The following FOXK1 variants were observed in gnomAD, a reference collection of about 807,000 sequenced individuals.
The protein encoded by FOXK1 is forkhead box protein K1.
Under a neutral mutation model 51.9 loss-of-function variants are expected in FOXK1, and 19 were observed. The ratio of observed to expected loss-of-function variants is 0.37; its 90% CI spans 0.26 to 0.54. FOXK1 has a LOEUF of 0.54. FOXK1 is among the 20% of genes least tolerant of loss of function. FOXK1 has a pLI of 0.87. For synonymous variants in FOXK1, 537 were observed against 482.6 expected (o/e 1.11, Z -1.48); for missense variants, 870 against 1,032.7 (o/e 0.84, Z 2.16).
At chr7:4,697,932 C>T (rs1458783299) in intron 1 of FOXK1, among the ~76,000 whole-genome samples, 2 of 152,008 alleles carry the variant, frequency 1.3e-5, no homozygotes, top group African/African-American at 4.8e-5. Flanking sequence ...TCAAGTGATT[C>T]TCTTGCCTCA....
chr7:4,710,266 G>A (rs899221940), intron 1 of FOXK1, among the ~76,000 whole-genome samples: 1 of 152,186 alleles, frequency 6.6e-6, no homozygotes, highest in Non-Finnish European at 1.5e-5. Flanking sequence ...TACAGGATAG[G>A]CCAGTGTACT....
At chr7:4,714,374 GT>G (rs1266376397) in intron 1 of FOXK1, among the ~76,000 whole-genome samples, 1 of 151,962 alleles carries the variant, frequency 6.6e-6, no homozygotes, top group East Asian at 1.9e-4. Context: ...CACTTCTGGG[GT>G]TCAAGTGATT....
Position 4,755,001 on chromosome 7 carries a change from A to T in FOXK1, c.904-236A>T. The T allele has an allele frequency of 1.7e-6, 1 of 579,876 alleles. No individual in the cohort carries two copies. Among genetic ancestry groups the T allele is most frequent in the Non-Finnish European group, 3.0e-6 (1 of 330,804 alleles). 35.9% of individuals were successfully genotyped at this position (579,876 alleles called of 1,614,324 possible). A position where few individuals can be genotyped will look rare whatever the true frequency, so the allele number is the denominator to read the frequency against. On this transcript the variant is annotated intron_variant, in intron 3 of 8. Transcript: ENST00000328914. The surrounding 1 kb of genome is among the most constrained non-coding windows in gnomAD (Gnocchi z 6.6). ...TTCAAATTGATTTCTGGAAGAGGTG[A>T]GAAATTTCAGAATTAAATTATAATA...
At position 4,745,974 on chromosome 7, in the gene FOXK1, C is replaced by T. The variant is rs374128214; in HGVS notation, c.746+4951C>T. Among the ~76,000 whole-genome samples, 28 of 152,244 alleles carry T rather than the reference C, an allele frequency of 1.8e-4. No homozygotes were observed. Among genetic ancestry groups the T allele is most frequent in the African/African-American group, 6.5e-4 (27 of 41,528 alleles). On this transcript the variant is annotated intron_variant, in intron 2 of 8. Transcript: ENST00000328914. The surrounding 1 kb of genome is among the most constrained non-coding windows in gnomAD (Gnocchi z 4.3). ...TTTTCTAGGTTCCATCAGACAGACA[C>T]CAGTCTAAAAAGTGTTCCTTAGAGG...
chr7:4,700,135 C>G (rs1470062564), intron 1 of FOXK1, among the ~76,000 whole-genome samples: 1 of 152,186 alleles, frequency 6.6e-6, no homozygotes, highest in East Asian at 1.9e-4. Flanking sequence ...ACTGCAGCAC[C>G]CCACGGCACC....
In FOXK1 at chr7:4,758,947, G is replaced by T; in HGVS notation, c.1245-104G>T. The T allele has an allele frequency of 8.0e-7, 1 of 1,256,148 alleles. No homozygotes were observed. The highest frequency in any genetic ancestry group is 2.4e-5 in the East Asian group (1 of 41,552). 77.8% of individuals were successfully genotyped at this position (1,256,148 alleles called of 1,614,324 possible). On this transcript the variant is annotated intron_variant, in intron 5 of 8. Transcript: ENST00000328914. The surrounding 1 kb of genome is among the most constrained non-coding windows in gnomAD (Gnocchi z 4.4). ...ATGCGGAGGACAGAGACGAGCTCCA[G>T]GGAGCGTGGGCGGGTGACGGCGCTG...
chr7:4,689,852 C>T (rs142223856), intron 1 of FOXK1, among the ~76,000 whole-genome samples: 1 of 152,182 alleles, frequency 6.6e-6, no homozygotes, highest in African/African-American at 2.4e-5. Context: ...TCACTGCCCT[C>T]ACCCAGTCCC....
At position 4,709,251 on chromosome 7, in the gene FOXK1, C is replaced by G. The variant is rs558950109; in HGVS notation, c.560+26383C>G. Among the ~76,000 whole-genome samples, 2 of 152,184 alleles carry G rather than the reference C, an allele frequency of 1.3e-5. No homozygotes were observed. Among genetic ancestry groups the G allele is most frequent in the East Asian group, 3.9e-4 (2 of 5,174 alleles). ...GCCTGGCATCCCCACCCTGTCATCC[C>G]GAGAATCCCACTGCATGTTTTGGAT... is the stretch of plus-strand genomic sequence containing the variant. On this transcript the variant is annotated intron_variant, in intron 1 of 8. Transcript: ENST00000328914. The surrounding 1 kb of genome is among the most constrained non-coding windows in gnomAD (Gnocchi z 5.6).
chr7:4,724,745 A>G (rs1264148291), intron 1 of FOXK1, among the ~76,000 whole-genome samples: 1 of 152,150 alleles, frequency 6.6e-6, no homozygotes, highest in Non-Finnish European at 1.5e-5. Context: ...AGTGTTCAGC[A>G]TGGTTGCCAG....
chr7:4,757,971 G>A (rs1030608944), intron 5 of FOXK1: 1 of 152,220 alleles, frequency 6.6e-6, no homozygotes, highest in Non-Finnish European at 1.5e-5. Flanking sequence ...AGGTTACTAA[G>A]TAAGCCACTG....
rs1780834173 is a variant in FOXK1 at position 4,755,417 on chromosome 7, G to A, written c.1050+34G>A. The A allele has an allele frequency of 6.2e-7, 1 of 1,610,522 alleles. No homozygotes were observed. Among genetic ancestry groups the A allele is most frequent in the South Asian group, 1.1e-5 (1 of 90,984 alleles). ...GAGTCCCCAGGGCCGGATCGCCTCT[G>A]AAGGCCCTTAGAACATGGAACTCAC... is the stretch of plus-strand genomic sequence containing the variant. On this transcript the variant is annotated intron_variant, in intron 4 of 8. Coordinates refer to ENST00000328914, the MANE Select transcript of FOXK1 (RefSeq NM_001037165.2). This position sits in a 1 kb window ranked among gnomAD's most constrained non-coding sequence, Gnocchi z 6.6.
rs1780141987 is a variant in FOXK1 at position 4,709,076 on chromosome 7, AAAAG to A, written c.560+26212_560+26215del. ...GAGACTCTGTCTCAAAAAAAAAAAA[AAAAG>A]AAAAGAAAAGAAAAAGAAAAACAAG... On this transcript the variant is annotated intron_variant, in intron 1 of 8. Coordinates refer to ENST00000328914, the MANE Select transcript of FOXK1 (RefSeq NM_001037165.2). This position sits in a 1 kb window ranked among gnomAD's most constrained non-coding sequence, Gnocchi z 5.6. 2.0e-5 allele frequency among the ~76,000 whole-genome samples: 3 copies of A among 151,498 alleles called. No individual in the cohort carries two copies. Among genetic ancestry groups the A allele is most frequent in the African/African-American group, 7.3e-5 (3 of 41,282 alleles).
intron 1 of FOXK1, among the ~76,000 whole-genome samples, chr7:4,713,627 G>A (rs955517669): frequency 6.6e-6 from 1 of 151,872 alleles, no homozygotes; most frequent in Admixed American, 6.6e-5. Context: ...GAGTTGCTGG[G>A]ATTACAAGCA....
chr7:4,703,104 G>GGGGCT lies in FOXK1; in HGVS notation c.560+20254_560+20258dup, dbSNP rs975400196. ...GCTGGGTGAGAGTGCCTCTGTGTCG[G>GGGGCT]GGGCTGGGCTGGGCTGGGCTGGACT... On this transcript the variant is annotated intron_variant, in intron 1 of 8. Transcript: ENST00000328914. The surrounding 1 kb of genome is among the most constrained non-coding windows in gnomAD (Gnocchi z 5.6). 2.6e-5 allele frequency among the ~76,000 whole-genome samples: 4 copies of GGGGCT among 152,158 alleles called. No individual in the cohort carries two copies. The highest frequency in any genetic ancestry group is 2.1e-4 in the South Asian group (1 of 4,826).
rs1218184115 is a variant in FOXK1, at chr7:4,705,964, ATATATATACGTATATATACG to A, written c.560+23138_560+23157del. ...TTCAAAATTATATATATATATGTAT[ATATATATACGTATATATACG>A]TATATATACGTATATATACGTATAT... On this transcript the variant is annotated intron_variant, in intron 1 of 8. Coordinates refer to ENST00000328914, the MANE Select transcript of FOXK1 (RefSeq NM_001037165.2). Among the ~76,000 whole-genome samples, 819 of 112,984 alleles carry A rather than the reference ATATATATACGTATATATACG, an allele frequency of 7.2e-3. 20 individuals are homozygous for A. Among genetic ancestry groups the A allele is most frequent in the South Asian group, 9.7e-3 (39 of 4,020 alleles). The allele number at this position is 112,984 out of a possible 152,430, so 74.1% of individuals were successfully genotyped here.
rs1253168692 is a variant in FOXK1, at chr7:4,730,588, AG to A, written c.561-10249del. On this transcript the variant is annotated intron_variant, in intron 1 of 8. Transcript: ENST00000328914. The surrounding 1 kb of genome is among the most constrained non-coding windows in gnomAD (Gnocchi z 4.7). ...CGACCCAGCCCCCGCCCCGCCTTCA[AG>A]TTTGTGCCTTATTTTCCAAAGCCGC... 2.0e-5 allele frequency among the ~76,000 whole-genome samples: 3 copies of A among 152,144 alleles called. No homozygotes were observed. In the East Asian group the frequency reaches 5.8e-4, roughly 29 times the overall value.
At position 4,755,501 on chromosome 7, in the gene FOXK1, C is replaced by A; in HGVS notation, c.1050+118C>A. 7.2e-7 allele frequency: 1 copy of A among 1,394,368 alleles called. No individual in the cohort carries two copies. Among genetic ancestry groups the A allele is most frequent in the Non-Finnish European group, 9.7e-7 (1 of 1,035,412 alleles). The allele number at this position is 1,394,368 out of a possible 1,614,324, so 86.4% of individuals were successfully genotyped here. Reference sequence around the variant, plus strand: ...CAGTGAGGGGGCTCACGCCTGGAACCCTAGCATTTTGTGAGGCCGAGGCAG... The same window carrying A: ...CAGTGAGGGGGCTCACGCCTGGAACACTAGCATTTTGTGAGGCCGAGGCAG... On this transcript the variant is annotated intron_variant, in intron 4 of 8. Transcript: ENST00000328914. This position sits in a 1 kb window ranked among gnomAD's most constrained non-coding sequence, Gnocchi z 6.6.
chr7:4,727,910 G>T (rs1301217062), intron 1 of FOXK1, among the ~76,000 whole-genome samples: 2 of 152,242 alleles, frequency 1.3e-5, no homozygotes, highest in African/African-American at 4.8e-5. Context: ...CCTTCGGGAG[G>T]GGAGGAAAAG....
At chr7:4,700,763 G>A (rs1320912238) in intron 1 of FOXK1, among the ~76,000 whole-genome samples, 1 of 152,112 alleles carries the variant, frequency 6.6e-6, no homozygotes, top group Non-Finnish European at 1.5e-5. Flanking sequence ...GCTGCAGTGA[G>A]CTATAATCGC....
Sources: allele counts gnomAD v4.1 joint callset (sites outside exome capture counted in the v4.1 genomes callset), GRCh38; gene constraint gnomAD v4.1.1; non-coding constraint Gnocchi (gnomAD v3.1); transcripts MANE v1.5; gene names NCBI Gene and HGNC (gene_info 2026-07-23, HGNC 2026-07-21).